CPQ: variants seen among roughly 807,000 people sequenced by gnomAD.
The protein encoded by CPQ is carboxypeptidase Q, also known as Ser-Met dipeptidase.
A neutral mutation model predicts 45.7 loss-of-function variants in CPQ; 37 were observed. The observed-to-expected ratio is 0.81, with a 90% CI of 0.62 to 1.07. The LOEUF (loss-of-function observed/expected upper bound fraction) is 1.07, where lower values mean the gene tolerates loss of function less well. Ranked by LOEUF, CPQ falls within the 50% of genes least tolerant of loss-of-function variation. The pLI, the probability that CPQ is intolerant of heterozygous loss-of-function variation, is 0.00. For missense variants in CPQ, 537 were observed against 572.9 expected, an observed-to-expected ratio of 0.94 and a Z score of 0.64; for synonymous variants, 186 against 205.8, an observed-to-expected ratio of 0.90 and a Z score of 0.82.
intron 3 of CPQ, among the ~76,000 whole-genome samples, chr8:96,863,686 A>C (rs922338864): frequency 1.3e-5 from 2 of 152,102 alleles, no homozygotes; most frequent in African/African-American, 4.8e-5. Context: ...TGTTTCAGGA[A>C]ATGCTTTGAT....
At chr8:96,941,971 C>T (rs1473086613) in intron 4 of CPQ, among the ~76,000 whole-genome samples, 1 of 152,098 alleles carries the variant, frequency 6.6e-6, no homozygotes, top group African/African-American at 2.4e-5. Context: ...GGTGTTTAGC[C>T]ATTCAAGCTA....
chr8:96,757,354 GATA>G (rs3036414), intron 1 of CPQ, among the ~76,000 whole-genome samples: 25,530 of 139,022 alleles, frequency 0.18, 2,368 homozygotes, highest in Non-Finnish European at 0.19. Context: ...CCATCTCAAT[GATA>G]ATAATAATAA....
intron 4 of CPQ, among the ~76,000 whole-genome samples, chr8:96,948,053 A>G (rs1314639436): frequency 1.3e-5 from 2 of 151,990 alleles, no homozygotes; most frequent in African/African-American, 2.4e-5. Context: ...CTTGCCTTCC[A>G]TATCAAGTCT....
chr8:96,930,411 A>G (rs752703705), intron 4 of CPQ, among the ~76,000 whole-genome samples: 15 of 152,336 alleles, frequency 9.8e-5, no homozygotes, highest in Non-Finnish European at 1.9e-4. Context: ...ATTGAAGTCC[A>G]CAGAATTGCT....
intron 5 of CPQ, among the ~76,000 whole-genome samples, chr8:97,015,510 T>C (rs79911993): frequency 0.027 from 4,073 of 152,100 alleles, 118 homozygotes; most frequent in African/African-American, 0.075. Flanking sequence ...AGACTATAGA[T>C]TGTGTGTGCA....
chr8:96,760,823 T>G (rs1047533203), intron 1 of CPQ, among the ~76,000 whole-genome samples: 3 of 152,210 alleles, frequency 2.0e-5, no homozygotes, highest in Non-Finnish European at 2.9e-5. Flanking sequence ...ATGATGTTTT[T>G]AATTTCAAAA....
At chr8:97,057,624 T>G (rs1457800256) in intron 6 of CPQ, among the ~76,000 whole-genome samples, 1 of 152,186 alleles carries the variant, frequency 6.6e-6, no homozygotes, top group East Asian at 1.9e-4. Flanking sequence ...CCTTAAACAT[T>G]TATTGTTCAC....
At position 96,835,112 on chromosome 8, in the gene CPQ, G is replaced by T. The variant is rs746767253; in HGVS notation, c.573G>T (p.Ala191=). ...SRTVQYRTQG[A]VEAAKVGALA... is the part of the protein sequence containing the mutation. Reference sequence around the variant, plus strand: ...CGGTGCAATACCGAACGCAGGGGGCGGTGGAAGCTGCCAAGGTGGGGGCTT... The same window carrying T: ...CGGTGCAATACCGAACGCAGGGGGCTGTGGAAGCTGCCAAGGTGGGGGCTT... Residue 191 remains alanine (A), a synonymous_variant, in exon 3 of 8, where the codon GCG becomes GCT. Transcript: ENST00000220763. 1 of 1,594,452 alleles carries T rather than the reference G, an allele frequency of 6.3e-7. No homozygotes were observed. The highest frequency in any genetic ancestry group is 8.6e-7 in the Non-Finnish European group (1 of 1,169,576).
chr8:96,900,211 G>A (rs142343670), intron 4 of CPQ, among the ~76,000 whole-genome samples: 56 of 152,258 alleles, frequency 3.7e-4, no homozygotes, highest in African/African-American at 1.3e-3. Context: ...AGCTCACCAA[G>A]TCCAACATTT....
At chr8:96,994,793 C>T (rs1243282293) in intron 5 of CPQ, among the ~76,000 whole-genome samples, 1 of 151,966 alleles carries the variant, frequency 6.6e-6, no homozygotes, top group African/African-American at 2.4e-5. Flanking sequence ...ATGTTCCCTG[C>T]TTGGACACTA....
chr8:96,936,484 T>C (rs377584543), intron 4 of CPQ, among the ~76,000 whole-genome samples: 116 of 152,296 alleles, frequency 7.6e-4, no homozygotes, highest in African/African-American at 2.7e-3. Context: ...GAGGCCAACA[T>C]TAAACATTAA....
intron 7 of CPQ, among the ~76,000 whole-genome samples, chr8:97,082,387 C>T (rs1810965164): frequency 6.6e-6 from 1 of 152,156 alleles, no homozygotes; most frequent in South Asian, 2.1e-4. Flanking sequence ...TGGCTCCATC[C>T]CTGTGGTCAA....
intron 4 of CPQ, among the ~76,000 whole-genome samples, chr8:96,963,974 A>C (rs1346061236): frequency 6.6e-6 from 1 of 152,018 alleles, no homozygotes. Context: ...ATACAATTTT[A>C]TCATGAATTG....
At chr8:97,056,872 ACATCAC>A (rs771606637) in intron 6 of CPQ, among the ~76,000 whole-genome samples, 29 of 152,282 alleles carry the variant, frequency 1.9e-4, no homozygotes, top group Non-Finnish European at 3.7e-4. Context: ...CTGAGGCCAA[ACATCAC>A]CTCTTTTATC....
At chr8:97,035,467 T>A (rs1222816620) in intron 6 of CPQ, among the ~76,000 whole-genome samples, 1 of 152,210 alleles carries the variant, frequency 6.6e-6, no homozygotes, top group Non-Finnish European at 1.5e-5. Flanking sequence ...TGTACCATTT[T>A]ACATTTCCAC....
At chr8:96,752,371 A>G (rs1810273585) in intron 1 of CPQ, among the ~76,000 whole-genome samples, 1 of 151,876 alleles carries the variant, frequency 6.6e-6, no homozygotes, top group Non-Finnish European at 1.5e-5. Flanking sequence ...ATTCCTAGGC[A>G]TTTTATTCTT....
intron 2 of CPQ, among the ~76,000 whole-genome samples, chr8:96,832,141 A>T (rs1184955110): frequency 1.3e-5 from 2 of 152,106 alleles, no homozygotes; most frequent in Non-Finnish European, 2.9e-5. Flanking sequence ...GATAGGTTTA[A>T]ATGCCAGATG....
intron 1 of CPQ, among the ~76,000 whole-genome samples, chr8:96,666,156 G>A (rs552736687): frequency 6.6e-6 from 1 of 152,216 alleles, no homozygotes; most frequent in African/African-American, 2.4e-5. Context: ...GAGTTCTTTA[G>A]CAAGACGTCT....
At chr8:97,011,221 AG>A (rs1352347952) in intron 5 of CPQ, among the ~76,000 whole-genome samples, 1 of 152,208 alleles carries the variant, frequency 6.6e-6, no homozygotes, top group Non-Finnish European at 1.5e-5. Context: ...TGACTGTCTT[AG>A]GGACTGATTG....
Sources: allele counts gnomAD v4.1 joint callset (sites outside exome capture counted in the v4.1 genomes callset), GRCh38; gene constraint gnomAD v4.1.1; transcripts MANE v1.5; gene names NCBI Gene and HGNC (gene_info 2026-07-23, HGNC 2026-07-21).